Variants in PATE4 observed in about 807,000 individuals in gnomAD.
PATE4 encodes prostate and testis expressed protein 4.
PATE4 carries 13 observed loss-of-function variants against 8.5 expected under a neutral mutation model. That is an observed-to-expected ratio of 1.53 (90% CI 1.00 to 2.43). The LOEUF is 2.43. Ranked by LOEUF, PATE4 falls within the 30% of genes most tolerant of loss-of-function variation. PATE4 has a pLI of 0.00. For synonymous variants in PATE4, 47 were observed against 39.3 expected, an observed-to-expected ratio of 1.20 and a Z score of -0.73; for missense variants, 127 against 115.5, an observed-to-expected ratio of 1.10 and a Z score of -0.46.
Position 125,839,913 on chromosome 11 carries a change from G to GTA in PATE4, c.*1487_*1488dup, listed in dbSNP as rs1943949386. 6.6e-6 allele frequency: 1 copy of GTA among 152,138 alleles called. No individual in the cohort carries two copies. Among genetic ancestry groups the GTA allele is most frequent in the Admixed American group, 6.5e-5 (1 of 15,282 alleles). The allele number at this position is 152,138 out of a possible 1,614,324, so 9.4% of individuals were successfully genotyped here. On this transcript the variant is annotated 3_prime_UTR_variant, in exon 3 of 3. Coordinates refer to ENST00000457514, the MANE Select transcript of PATE4 (RefSeq NM_001144874.1). ...ACTCTCCTCTCTAGCTCCTATGACT[G>GTA]TACATTTGTAGTTCTCCCACCTCTC...
At chr11:125,837,825 T>C in intron 1 of PATE4, 43 bp from the exon 2 acceptor site, 8 of 1,430,272 alleles carry the variant, frequency 5.6e-6, no homozygotes, top group Non-Finnish European at 7.7e-6. Context: ...TTTTCCATTG[T>C]CCCACAATCC....
At chr11:125,837,499 G>A (rs1159497100) in intron 1 of PATE4, among the ~76,000 whole-genome samples, 1 of 152,132 alleles carries the variant, frequency 6.6e-6, no homozygotes, top group Non-Finnish European at 1.5e-5. Context: ...GCCAGCTCAA[G>A]TCTTTAGCTA....
chr11:125,838,324 C>T lies in PATE4; in HGVS notation c.194C>T (p.Ser65Leu). The T allele has an allele frequency of 6.5e-7, 1 of 1,549,112 alleles. No homozygotes were observed. The highest frequency in any genetic ancestry group is 8.7e-7 in the Non-Finnish European group (1 of 1,145,830). The change falls in exon 3 of 3, where the codon TCA becomes TTA. Residue 65 changes from serine to leucine, a missense_variant. Coordinates refer to ENST00000457514, the MANE Select transcript of PATE4 (RefSeq NM_001144874.1). Reference sequence around the variant, plus strand: ...TTTTCAGGAGACAAACATATGTACTCAACACATATGTGTAAGTATAAGTGC... The same window carrying T: ...TTTTCAGGAGACAAACATATGTACTTAACACATATGTGTAAGTATAAGTGC... ...AYFRGDKHMY[S>L]THMCKYKCRE...
chr11:125,833,477 T>C lies in PATE4; in HGVS notation c.58+60T>C, dbSNP rs1452626052. The C allele has an allele frequency of 2.8e-6, 4 of 1,447,692 alleles. No homozygotes were observed. In the East Asian group the frequency reaches 7.4e-5, roughly 27 times the overall value. The allele number at this position is 1,447,692 out of a possible 1,614,324, so 89.7% of individuals were successfully genotyped here. On this transcript the variant is annotated intron_variant, in intron 1 of 2. Coordinates refer to ENST00000457514, the MANE Select transcript of PATE4 (RefSeq NM_001144874.1). ...TTAGGGGTGCTGTTCTCTAAACCTC[T>C]ACTCTCCAAGTCTCACTCACATGCT...
At chr11:125,837,734 A>C (rs1943930540) in intron 1 of PATE4, 134 bp from the exon 2 acceptor site, 2 of 592,460 alleles carry the variant, frequency 3.4e-6, no homozygotes, top group Non-Finnish European at 5.9e-6. Context: ...TAAATTAATC[A>C]GGAATTCCAC....
At chr11:125,833,489 C>A in intron 1 of PATE4, 72 bp downstream of exon 1, 1 of 1,379,516 alleles carries the variant, frequency 7.2e-7, no homozygotes, top group South Asian at 1.3e-5. Context: ...CTCTCCAAGT[C>A]TCACTCACAT....
intron 1 of PATE4, chr11:125,835,955 C>T (rs1002576437): frequency 1.3e-5 from 2 of 152,032 alleles, no homozygotes; most frequent in Admixed American, 6.6e-5. Context: ...TGTGTCTGTG[C>T]ATACGTGTGT....
chr11:125,834,522 G>C (rs575235161), intron 1 of PATE4, among the ~76,000 whole-genome samples: 43 of 152,174 alleles, frequency 2.8e-4, no homozygotes, highest in Non-Finnish European at 4.6e-4. Context: ...ACATCCAGGA[G>C]TTTGATAAAA....
chr11:125,837,844 T>C, intron 1 of PATE4, 24 bp from the exon 2 acceptor site: 1 of 1,508,060 alleles, frequency 6.6e-7, no homozygotes, highest in Non-Finnish European at 9.0e-7. Context: ...CCAGCCTGAA[T>C]ATTCTATTCT....
chr11:125,837,398 T>G (rs1203375443), intron 1 of PATE4, among the ~76,000 whole-genome samples: 1 of 152,164 alleles, frequency 6.6e-6, no homozygotes. Flanking sequence ...TTCCTACCTC[T>G]GTGTTCTCCC....
intron 1 of PATE4, chr11:125,835,565 C>A (rs998729653): frequency 6.6e-6 from 1 of 152,160 alleles, no homozygotes; most frequent in Non-Finnish European, 1.5e-5. Context: ...GCAGGAAATA[C>A]ACCACTCACG....
At position 125,837,889 on chromosome 11, in the gene PATE4, C is replaced by G; in HGVS notation, c.80C>G (p.Thr27Ser). The change falls in exon 2 of 3, where the codon ACC becomes AGC. Residue 27 changes from threonine (T) to serine (S), a missense_variant. Coordinates refer to ENST00000457514, the MANE Select transcript of PATE4 (RefSeq NM_001144874.1). ...LKEVMGLKCN[T>S]CIYTEGWKCM... ...GCAGTTATGGGTCTGAAGTGTAATA[C>G]CTGCATATACACAGAAGGATGGAAG... The G allele has an allele frequency of 6.4e-7, 1 of 1,551,160 alleles. No individual in the cohort carries two copies. The highest frequency in any genetic ancestry group is 1.7e-4 in the Middle Eastern group (1 of 5,988).
Position 125,839,145 on chromosome 11 carries a change from T to C in PATE4, c.*718T>C, listed in dbSNP as rs757679586. 1.3e-5 allele frequency: 2 copies of C among 152,224 alleles called. No homozygotes were observed. Among genetic ancestry groups the C allele is most frequent in the Admixed American group, 6.5e-5 (1 of 15,282 alleles). The allele number at this position is 152,224 out of a possible 1,614,324, so 9.4% of individuals were successfully genotyped here. A position where few individuals can be genotyped will look rare whatever the true frequency, so the allele number is the denominator to read the frequency against. On this transcript the variant is annotated 3_prime_UTR_variant, in exon 3 of 3. Transcript: ENST00000457514. Reference sequence around the variant, plus strand: ...GTGGTTTTCAGCCACAAAGTGTGTATTGTTTTAAGCCACTAAGTTTGCAAT... The same window carrying C: ...GTGGTTTTCAGCCACAAAGTGTGTACTGTTTTAAGCCACTAAGTTTGCAAT...
intron 1 of PATE4, among the ~76,000 whole-genome samples, chr11:125,834,023 C>T (rs913445764): frequency 3.9e-5 from 6 of 152,200 alleles, no homozygotes; most frequent in Admixed American, 2.0e-4. Flanking sequence ...GATTCCTATG[C>T]TTTCTACCTA....
chr11:125,834,878 T>G (rs1409432847), intron 1 of PATE4: 1 of 152,176 alleles, frequency 6.6e-6, no homozygotes, highest in Non-Finnish European at 1.5e-5. Context: ...ATGCATAGTA[T>G]ACTACCAATT....
Position 125,837,908 on chromosome 11 carries a change from A to G in PATE4, c.99A>G (p.Gly33=). Residue 33 remains glycine (G), a synonymous_variant, in exon 2 of 3, where the codon GGA becomes GGG. Transcript: ENST00000457514. ...GTAATACCTGCATATACACAGAAGG[A>G]TGGAAGTGTATGGCAGGCCGAGGCA... ...LKCNTCIYTE[G]WKCMAGRGTC... is the part of the protein sequence containing the mutation. 1 of 1,551,582 alleles carries G rather than the reference A, an allele frequency of 6.4e-7. No individual in the cohort carries two copies. The highest frequency in any genetic ancestry group is 8.7e-7 in the Non-Finnish European group (1 of 1,146,896).
chr11:125,838,194 G>C, intron 2 of PATE4, 112 bp from the exon 3 acceptor site: 1 of 1,259,786 alleles, frequency 7.9e-7, no homozygotes. Flanking sequence ...ATGAACCCAG[G>C]AGCCGGGAAG....
At position 125,833,470 on chromosome 11, in the gene PATE4, A is replaced by C. The variant is rs1418639833; in HGVS notation, c.58+53A>C. 8.9e-6 allele frequency: 13 copies of C among 1,467,234 alleles called. No individual in the cohort carries two copies. The African/African-American group carries it at 1.8e-4, about 21-fold the overall frequency. The allele number at this position is 1,467,234 out of a possible 1,614,324, so 90.9% of individuals were successfully genotyped here. A position where few individuals can be genotyped will look rare whatever the true frequency, so the allele number is the denominator to read the frequency against. Reference sequence around the variant, plus strand: ...AGGCAACTTAGGGGTGCTGTTCTCTAAACCTCTACTCTCCAAGTCTCACTC... The same window carrying C: ...AGGCAACTTAGGGGTGCTGTTCTCTCAACCTCTACTCTCCAAGTCTCACTC... On this transcript the variant is annotated intron_variant, in intron 1 of 2. Coordinates refer to ENST00000457514, the MANE Select transcript of PATE4 (RefSeq NM_001144874.1).
chr11:125,834,139 G>A (rs1390568082), intron 1 of PATE4, among the ~76,000 whole-genome samples: 1 of 152,174 alleles, frequency 6.6e-6, no homozygotes, highest in African/African-American at 2.4e-5. Flanking sequence ...ATAAGAAAAT[G>A]TGACATAATT....
Sources: allele counts gnomAD v4.1 joint callset (sites outside exome capture counted in the v4.1 genomes callset), GRCh38; gene constraint gnomAD v4.1.1; transcripts MANE v1.5; gene names NCBI Gene and HGNC (gene_info 2026-07-23, HGNC 2026-07-21).